Variants in GRIN2B observed in about 807,000 individuals in gnomAD.
The protein encoded by GRIN2B is glutamate ionotropic receptor NMDA type subunit 2B, also known as glutamate receptor ionotropic, NMDA 2B.
GRIN2B carries 5 observed loss-of-function variants against 114.5 expected under a neutral mutation model. The ratio of observed to expected loss-of-function variants is 0.04; its 90% CI spans 0.02 to 0.09. The LOEUF (loss-of-function observed/expected upper bound fraction) is 0.09. Ranked by LOEUF, GRIN2B falls within the 10% of genes least tolerant of loss-of-function variation. The pLI is 1.00. For synonymous variants in GRIN2B, 787 were observed against 745.1 expected (o/e 1.06, Z -0.92); for missense variants, 1,108 against 1,943.5 (o/e 0.57, Z 8.08).
At chr12:13,686,819 T>C (rs1438288327) in intron 4 of GRIN2B, among the ~76,000 whole-genome samples, 3 of 152,140 alleles carry the variant, frequency 2.0e-5, no homozygotes, top group African/African-American at 4.8e-5. Flanking sequence ...CAAGCAAGGA[T>C]GTGTGTCCCC....
intron 2 of GRIN2B, among the ~76,000 whole-genome samples, chr12:13,911,835 T>C (rs1021431981): frequency 1.3e-5 from 2 of 152,146 alleles, no homozygotes; most frequent in African/African-American, 4.8e-5. Flanking sequence ...TTCTCTGTTT[T>C]TTTCCAACCC....
chr12:13,845,001 T>C (rs1000590606), intron 3 of GRIN2B, among the ~76,000 whole-genome samples: 2 of 152,152 alleles, frequency 1.3e-5, no homozygotes, highest in African/African-American at 4.8e-5. Flanking sequence ...TACACGAATT[T>C]CTCTGCATAC....
At chr12:13,635,474 T>A (rs1949658952) in intron 5 of GRIN2B, among the ~76,000 whole-genome samples, 1 of 152,184 alleles carries the variant, frequency 6.6e-6, no homozygotes, top group Non-Finnish European at 1.5e-5. Flanking sequence ...AAGATGGAAA[T>A]GCCACACACA....
At chr12:13,589,889 A>G (rs990723418) in intron 10 of GRIN2B, among the ~76,000 whole-genome samples, 2 of 152,164 alleles carry the variant, frequency 1.3e-5, no homozygotes, top group Non-Finnish European at 2.9e-5. Context: ...TGAAATTACT[A>G]TGAATTTTCC....
chr12:13,701,050 C>G (rs971599759), intron 4 of GRIN2B, among the ~76,000 whole-genome samples: 4 of 152,158 alleles, frequency 2.6e-5, no homozygotes, highest in African/African-American at 9.7e-5. Flanking sequence ...GGAAACGAGG[C>G]ACCTACTTCA....
intron 2 of GRIN2B, among the ~76,000 whole-genome samples, chr12:13,979,427 A>AT (rs1863090648): frequency 6.6e-6 from 1 of 150,524 alleles, no homozygotes; most frequent in Non-Finnish European, 1.5e-5. Context: ...CTCAATCATT[A>AT]TTTTTATCTG....
At chr12:13,928,302 CAAAAAA>C (rs745858482) in intron 2 of GRIN2B, among the ~76,000 whole-genome samples, 41 of 88,060 alleles carry the variant, frequency 4.7e-4, no homozygotes, top group Non-Finnish European at 6.5e-4. Context: ...GACTTCATCT[CAAAAAA>C]AAAAAAAAAA....
At chr12:13,645,702 T>C (rs1486547209) in intron 5 of GRIN2B, among the ~76,000 whole-genome samples, 1 of 152,030 alleles carries the variant, frequency 6.6e-6, no homozygotes, top group African/African-American at 2.4e-5. Flanking sequence ...ACCCTAGTTT[T>C]TCATTTTCTT....
At chr12:13,696,528 A>G (rs1950260720) in intron 4 of GRIN2B, among the ~76,000 whole-genome samples, 1 of 152,186 alleles carries the variant, frequency 6.6e-6, no homozygotes, top group African/African-American at 2.4e-5. Flanking sequence ...GGAATAAAAA[A>G]GTTGCTAGAA....
At chr12:13,872,984 G>T (rs1865935359) in intron 2 of GRIN2B, among the ~76,000 whole-genome samples, 1 of 152,080 alleles carries the variant, frequency 6.6e-6, no homozygotes, top group Non-Finnish European at 1.5e-5. Flanking sequence ...TAAAAGAAAT[G>T]CTATAAATTT....
At chr12:13,593,166 T>G (rs924768606) in intron 10 of GRIN2B, among the ~76,000 whole-genome samples, 8 of 152,208 alleles carry the variant, frequency 5.3e-5, no homozygotes, top group African/African-American at 1.9e-4. Flanking sequence ...AAGCTACCAT[T>G]GACTTTCTTC....
At chr12:13,967,568 G>T (rs1867809523) in intron 2 of GRIN2B, among the ~76,000 whole-genome samples, 1 of 152,240 alleles carries the variant, frequency 6.6e-6, no homozygotes, top group Non-Finnish European at 1.5e-5. Flanking sequence ...ACCTGTAGGT[G>T]CTCACAACAA....
chr12:13,856,329 C>T (rs780884514), intron 3 of GRIN2B, among the ~76,000 whole-genome samples: 3 of 152,056 alleles, frequency 2.0e-5, no homozygotes, highest in Admixed American at 6.5e-5. Flanking sequence ...TTAAAGAGGA[C>T]GCTTCATTCT....
intron 2 of GRIN2B, among the ~76,000 whole-genome samples, chr12:13,907,010 T>C (rs1866547325): frequency 6.6e-6 from 1 of 152,212 alleles, no homozygotes; most frequent in Admixed American, 6.5e-5. Context: ...TGTCAGATGT[T>C]TCACATAAAT....
chr12:13,796,486 A>C (rs1433015218), intron 3 of GRIN2B, among the ~76,000 whole-genome samples: 1 of 152,218 alleles, frequency 6.6e-6, no homozygotes, highest in East Asian at 1.9e-4. Context: ...ATCACCAGAC[A>C]AGCCTTTCCC....
intron 2 of GRIN2B, among the ~76,000 whole-genome samples, chr12:13,944,030 T>C (rs954863173): frequency 2.6e-5 from 4 of 152,168 alleles, no homozygotes; most frequent in African/African-American, 9.7e-5. Flanking sequence ...TATCAATATA[T>C]CCAGATTTGG....
At chr12:13,874,663 T>C (rs1055502040) in intron 2 of GRIN2B, among the ~76,000 whole-genome samples, 1 of 152,226 alleles carries the variant, frequency 6.6e-6, no homozygotes, top group Admixed American at 6.5e-5. Context: ...ATTAGGGCAA[T>C]TGTGTGTATT....
intron 3 of GRIN2B, among the ~76,000 whole-genome samples, chr12:13,786,548 A>G (rs1265001287): frequency 6.6e-6 from 1 of 152,152 alleles, no homozygotes; most frequent in African/African-American, 2.4e-5. Context: ...TGGCGGACAC[A>G]CTTACATACT....
chr12:13,958,043 A>G (rs1867622140), intron 2 of GRIN2B, among the ~76,000 whole-genome samples: 1 of 152,142 alleles, frequency 6.6e-6, no homozygotes, highest in Non-Finnish European at 1.5e-5. Flanking sequence ...AAAGTTAGAC[A>G]ACATTTCCGT....
Sources: gnomAD v4.1 joint callset for allele counts (sites outside exome capture counted in the v4.1 genomes callset) on GRCh38, gnomAD v4.1.1 for gene constraint, MANE v1.5 for transcripts, NCBI Gene and HGNC (gene_info 2026-07-23, HGNC 2026-07-21) for gene names.